Variants in CEP63 observed in about 807,000 individuals in gnomAD.
CEP63 encodes the protein centrosomal protein of 63 kDa.
A neutral mutation model predicts 89.1 loss-of-function variants in CEP63; 84 were observed. That is an observed-to-expected ratio of 0.94 (90% CI 0.79 to 1.13). CEP63 has a LOEUF of 1.13. Among genes scored for constraint, CEP63 ranks in the 50% most tolerant of loss-of-function variants. CEP63 has a pLI of 0.00. For synonymous variants in CEP63, 267 were observed against 272.5 expected (o/e 0.98, Z 0.20); for missense variants, 838 against 813.3 (o/e 1.03, Z -0.37).
intron 12 of CEP63, among the ~76,000 whole-genome samples, chr3:134,555,300 G>A (rs887470819): frequency 6.6e-6 from 1 of 152,094 alleles, no homozygotes; most frequent in African/African-American, 2.4e-5. Flanking sequence ...AGGAAATAAA[G>A]GGTATTCAGT....
chr3:134,622,674 C>A, the CEP63 span, among the ~76,000 whole-genome samples: 297 of 152,166 alleles, frequency 2.0e-3, no homozygotes, highest in Middle Eastern at 6.8e-3. Flanking sequence ...ATTAAAATGG[C>A]AAATTTTATG....
At chr3:134,702,570 C>T in the CEP63 span, among the ~76,000 whole-genome samples, 51 of 152,210 alleles carry the variant, frequency 3.4e-4, no homozygotes, top group African/African-American at 1.1e-3. Flanking sequence ...AATCAGACCA[C>T]ACACCTACAA....
the CEP63 span, among the ~76,000 whole-genome samples, chr3:134,694,403 A>G: frequency 6.6e-6 from 1 of 151,978 alleles, no homozygotes; most frequent in Non-Finnish European, 1.5e-5. Context: ...TGTTCCCCAA[A>G]CCCTTCCCCA....
intron 3 of CEP63, among the ~76,000 whole-genome samples, chr3:134,517,882 C>T (rs1946585125): frequency 6.6e-6 from 1 of 152,072 alleles, no homozygotes; most frequent in Non-Finnish European, 1.5e-5. Context: ...ATTGATTCAT[C>T]TCAAGAGGTT....
At chr3:134,720,729 G>A in the CEP63 span, among the ~76,000 whole-genome samples, 10,043 of 152,142 alleles carry the variant, frequency 0.066, 347 homozygotes, top group Middle Eastern at 0.092. Flanking sequence ...ATTTGTAAAA[G>A]AGGTTATTCT....
At chr3:134,504,479 C>A (rs1039159424) in intron 2 of CEP63, among the ~76,000 whole-genome samples, 2 of 152,166 alleles carry the variant, frequency 1.3e-5, no homozygotes, top group Non-Finnish European at 2.9e-5. Flanking sequence ...ATGGCAATAT[C>A]CTTATATGTG....
the CEP63 span, among the ~76,000 whole-genome samples, chr3:134,683,795 G>C: frequency 1.3e-5 from 2 of 151,928 alleles, no homozygotes; most frequent in Admixed American, 6.6e-5. Flanking sequence ...CATCTTTATA[G>C]GTTTAGCAGA....
chr3:134,581,678 C>CTTTT (rs1307921869), intron 10 of CEP63, among the ~76,000 whole-genome samples: 8 of 18,516 alleles, frequency 4.3e-4, no homozygotes, highest in Admixed American at 9.4e-4. Context: ...ATGATGAAAA[C>CTTTT]ATTTTTTTTT....
chr3:134,629,682 A>C, the CEP63 span: 1 of 1,592,704 alleles, frequency 6.3e-7, no homozygotes, highest in Non-Finnish European at 8.6e-7. Flanking sequence ...GGACTTCCAC[A>C]GTCAGTTGTG....
the CEP63 span, among the ~76,000 whole-genome samples, chr3:134,666,322 T>C: frequency 1.3e-5 from 2 of 152,352 alleles, no homozygotes; most frequent in African/African-American, 4.8e-5. Flanking sequence ...TGCAGGTGCC[T>C]GGGACCAACC....
chr3:134,710,726 CTTT>C, the CEP63 span, among the ~76,000 whole-genome samples: 1 of 132,136 alleles, frequency 7.6e-6, no homozygotes, highest in Non-Finnish European at 1.6e-5. Flanking sequence ...CTTTTTCTTT[CTTT>C]TTTTTTTTTT....
rs145156085 is a variant in CEP63, at chr3:134,532,896, T to C, written c.437T>C (p.Ile146Thr). 28 of 1,613,486 alleles carry C rather than the reference T, an allele frequency of 1.7e-5. No homozygotes were observed. Among genetic ancestry groups the C allele is most frequent in the Admixed American group, 3.3e-5 (2 of 60,002 alleles). ...GAAATTGAGAGGTTAACTGCAAAAATAGAGGTATGTTCATAGTAATAATTT... is the reference window on the plus strand; with the variant it reads ...GAAATTGAGAGGTTAACTGCAAAAACAGAGGTATGTTCATAGTAATAATTT... ...RSEIERLTAKIEEFRQKSLDW... is the reference protein window; with the variant it reads ...RSEIERLTAKTEEFRQKSLDW... Residue 146 changes from isoleucine (I) to threonine (T), a missense_variant, in exon 5 of 15, where the codon ATA becomes ACA. Coordinates refer to ENST00000675561, the MANE Select transcript of CEP63 (RefSeq NM_001353108.3).
chr3:134,628,651 T>C, the CEP63 span, among the ~76,000 whole-genome samples: 39 of 152,378 alleles, frequency 2.6e-4, no homozygotes, highest in Admixed American at 1.0e-3. Flanking sequence ...TTCGAAATGA[T>C]AGCTAGCATT....
chr3:134,782,029 G>T, the CEP63 span, among the ~76,000 whole-genome samples: 44 of 152,226 alleles, frequency 2.9e-4, 1 homozygote, highest in Non-Finnish European at 4.1e-4. Flanking sequence ...CTGGGGTTTG[G>T]ATAGAAACCA....
intron 11 of CEP63, among the ~76,000 whole-genome samples, 183 bp from the exon 12 acceptor site, chr3:134,551,743 A>G (rs1462646195): frequency 7.5e-5 from 2 of 26,672 alleles, no homozygotes; most frequent in Non-Finnish European, 1.6e-4. Context: ...ATATATATAT[A>G]TATATATATA....
chr3:134,488,540 C>G (rs573158607), intron 1 of CEP63, among the ~76,000 whole-genome samples: 1 of 148,654 alleles, frequency 6.7e-6, no homozygotes, highest in African/African-American at 2.5e-5. Context: ...ATCCGGGAGG[C>G]GGAGGTTGCA....
downstream of CEP63, chr3:134,575,093 T>C: frequency 2.7e-6 from 1 of 373,356 alleles, no homozygotes; most frequent in Non-Finnish European, 4.7e-6. Flanking sequence ...GGAATTTTCA[T>C]GCTAGAAAGC....
intron 10 of CEP63, among the ~76,000 whole-genome samples, chr3:134,549,434 T>C (rs756593285): frequency 6.6e-6 from 1 of 152,174 alleles, no homozygotes; most frequent in Non-Finnish European, 1.5e-5. Flanking sequence ...ATTTTAAACA[T>C]GTTTTGATGA....
downstream of CEP63, among the ~76,000 whole-genome samples, chr3:134,576,492 A>G (rs1481807059): frequency 1.3e-5 from 2 of 152,192 alleles, no homozygotes; most frequent in Non-Finnish European, 2.9e-5. Flanking sequence ...TGTATCACCA[A>G]TGCTTGAAAC....
Sources: gnomAD v4.1 joint callset for allele counts (sites outside exome capture counted in the v4.1 genomes callset) on GRCh38, gnomAD v4.1.1 for gene constraint, MANE v1.5 for transcripts, NCBI Gene and HGNC (gene_info 2026-07-23, HGNC 2026-07-21) for gene names.